TJP1: variants seen among roughly 807,000 people sequenced by gnomAD.
TJP1 encodes the protein tight junction protein ZO-1.
In TJP1, 43 loss-of-function variants were observed where a neutral mutation model predicts 194.2. That is an observed-to-expected ratio of 0.22 (90% CI 0.17 to 0.29). The LOEUF is 0.29. TJP1 is among the 10% of genes least tolerant of loss of function. The probability of loss-of-function intolerance (pLI) is 1.00; values close to 1 mark genes in which losing one functional copy is unlikely to be tolerated. For missense variants in TJP1, 1,971 were observed against 2,185.7 expected (o/e 0.90, Z 1.96); for synonymous variants, 801 against 779.0 (o/e 1.03, Z -0.47).
chr15:29,869,619 C>T (rs540031306), intron 2 of TJP1, among the ~76,000 whole-genome samples: 2 of 152,106 alleles, frequency 1.3e-5, no homozygotes, highest in East Asian at 1.9e-4. Flanking sequence ...CCACACCCCA[C>T]GATGTGACTG....
chr15:29,780,858 T>C (rs1412795577), intron 2 of TJP1, among the ~76,000 whole-genome samples: 2 of 151,626 alleles, frequency 1.3e-5, no homozygotes, highest in Non-Finnish European at 2.9e-5. Context: ...CAACCTAACA[T>C]CCTAACATTA....
chr15:29,883,179 T>G (rs1475786398), intron 2 of TJP1, among the ~76,000 whole-genome samples: 4 of 152,196 alleles, frequency 2.6e-5, no homozygotes, highest in Non-Finnish European at 5.9e-5. Context: ...TTCCTCCAAC[T>G]ATTGTCAAAG....
At chr15:29,898,195 T>C (rs1238263835) in intron 2 of TJP1, among the ~76,000 whole-genome samples, 2 of 152,160 alleles carry the variant, frequency 1.3e-5, no homozygotes, top group Non-Finnish European at 2.9e-5. Flanking sequence ...GTCTTTCCTG[T>C]GCTGTTCTTG....
chr15:29,961,334 C>CTTTTTTTTT (rs5811594), intron 1 of TJP1, among the ~76,000 whole-genome samples: 26 of 89,810 alleles, frequency 2.9e-4, no homozygotes, highest in Admixed American at 4.9e-4. Flanking sequence ...TTTCCTAATT[C>CTTTTTTTTT]TTTTTTTTTT....
chr15:29,873,797 C>T (rs750749145), intron 2 of TJP1, among the ~76,000 whole-genome samples: 40 of 152,060 alleles, frequency 2.6e-4, no homozygotes, highest in Non-Finnish European at 1.5e-4. Context: ...AATGATGTAC[C>T]CCTTTTCCTT....
intron 2 of TJP1, among the ~76,000 whole-genome samples, chr15:29,849,158 C>A (rs1376356198): frequency 5.3e-5 from 8 of 151,932 alleles, no homozygotes; most frequent in African/African-American, 1.9e-4. Context: ...GTAGGCTTGA[C>A]CCTTGGCTAA....
chr15:29,864,400 T>G lies in TJP1; in HGVS notation c.307-63698A>C, dbSNP rs1207999273. Among the ~76,000 whole-genome samples the G allele has an allele frequency of 2.0e-5, 3 of 152,128 alleles. No homozygotes were observed. The East Asian group carries it at 5.8e-4, about 29-fold the overall frequency. On this transcript the variant is annotated intron_variant, in intron 2 of 28. Coordinates refer to the TJP1 transcript ENST00000356107. ...CTTTTGAACTTCATTCACTCAAGTC[T>G]TTATTCAGAGTGTAAGTTCCTAGAG...
intron 2 of TJP1, among the ~76,000 whole-genome samples, chr15:29,848,032 C>G (rs1006561245): frequency 1.3e-5 from 2 of 151,092 alleles, no homozygotes; most frequent in Non-Finnish European, 2.9e-5. Context: ...GTTTCTGTTA[C>G]TGTTTCCTAG....
At chr15:29,861,295 T>C (rs1008271347) in intron 2 of TJP1, among the ~76,000 whole-genome samples, 1 of 152,188 alleles carries the variant, frequency 6.6e-6, no homozygotes, top group Non-Finnish European at 1.5e-5. Context: ...TTCTCTACAT[T>C]CTTGCCAGCA....
chr15:29,782,894 C>CAA (rs34832565), intron 2 of TJP1, among the ~76,000 whole-genome samples: 32 of 80,684 alleles, frequency 4.0e-4, no homozygotes, highest in East Asian at 7.7e-4. Flanking sequence ...AGACACTTTT[C>CAA]AAAAAAAAAA....
intron 1 of TJP1, among the ~76,000 whole-genome samples, chr15:29,818,801 G>C (rs1393225151): frequency 6.7e-6 from 1 of 148,570 alleles, no homozygotes; most frequent in East Asian, 2.0e-4. Context: ...CACCGCGCCC[G>C]GCCACGTTTT....
chr15:29,955,010 G>A (rs2055884786), intron 2 of TJP1, among the ~76,000 whole-genome samples: 1 of 151,984 alleles, frequency 6.6e-6, no homozygotes, highest in Non-Finnish European at 1.5e-5. Flanking sequence ...AACCCGGGAA[G>A]CAGAGGTTGC....
intron 25 of TJP1, among the ~76,000 whole-genome samples, chr15:29,706,628 G>A (rs781185759): frequency 1.3e-5 from 2 of 152,092 alleles, no homozygotes; most frequent in Non-Finnish European, 2.9e-5. Context: ...TTTAAAACTG[G>A]TAAGTCACAA....
Position 29,947,418 on chromosome 15 carries a change from A to G in TJP1, c.306+8814T>C, listed in dbSNP as rs533851620. On this transcript the variant is annotated intron_variant, in intron 2 of 28. Transcript: ENST00000356107. ...CTCTGAAAATGCCATGACAGCAACT[A>G]TAATTTAACCTATTTATGAGTTGGC... 5.3e-5 allele frequency among the ~76,000 whole-genome samples: 8 copies of G among 152,318 alleles called. No individual in the cohort carries two copies. The South Asian group carries it at 1.7e-3, about 32-fold the overall frequency.
intron 8 of TJP1, among the ~76,000 whole-genome samples, chr15:29,754,614 T>C (rs2045523682): frequency 6.6e-6 from 1 of 152,170 alleles, no homozygotes; most frequent in South Asian, 2.1e-4. Flanking sequence ...GTTTCAACAA[T>C]AATTTTTAGC....
chr15:29,821,591 T>C (rs1274709440), intron 1 of TJP1: 1 of 152,190 alleles, frequency 6.6e-6, no homozygotes, highest in African/African-American at 2.4e-5. Context: ...AGACAGCAGC[T>C]CCCGGCCAGC....
At chr15:29,816,287 C>T (rs1192625647) in intron 1 of TJP1, among the ~76,000 whole-genome samples, 2 of 152,112 alleles carry the variant, frequency 1.3e-5, no homozygotes, top group African/African-American at 4.8e-5. Context: ...CCTCAGCCTC[C>T]CAAAGTGCAG....
intron 23 of TJP1, among the ~76,000 whole-genome samples, chr15:29,714,085 T>C (rs956029011): frequency 3.3e-5 from 5 of 152,228 alleles, no homozygotes; most frequent in Admixed American, 2.0e-4. Context: ...CAACAATTAC[T>C]GAGCCCCTAC....
chr15:29,956,169 TAATAA>T (rs1423341819), intron 2 of TJP1: 6 of 1,105,912 alleles, frequency 5.4e-6, no homozygotes, highest in Middle Eastern at 2.6e-4. Context: ...TTTATGAAAA[TAATAA>T]AATAAAAACT....
Sources: allele counts gnomAD v4.1 joint callset (sites outside exome capture counted in the v4.1 genomes callset), GRCh38; gene constraint gnomAD v4.1.1; transcripts MANE v1.5; gene names NCBI Gene and HGNC (gene_info 2026-07-23, HGNC 2026-07-21).